TPO: variants seen among roughly 807,000 people sequenced by gnomAD.
TPO encodes the protein thyroid microsomal antigen.
In TPO, 78 loss-of-function variants were observed where a neutral mutation model predicts 96.9. The observed-to-expected ratio is 0.81, with a 90% CI of 0.67 to 0.97. The LOEUF (loss-of-function observed/expected upper bound fraction) is 0.97. Ranked by LOEUF, TPO falls within the 50% of genes least tolerant of loss-of-function variation. The pLI is 0.00. For synonymous variants in TPO, 547 were observed against 538.0 expected (o/e 1.02, Z -0.23); for missense variants, 1,252 against 1,274.8 (o/e 0.98, Z 0.27).
At chr2:1,382,553 G>T (rs1196934494) in intron 1 of TPO, among the ~76,000 whole-genome samples, 1 of 152,078 alleles carries the variant, frequency 6.6e-6, no homozygotes, top group African/African-American at 2.4e-5. Context: ...ACAAAGCATT[G>T]CCTTTGCCAC....
At chr2:1,489,218 C>T (rs1005338756) in intron 10 of TPO, among the ~76,000 whole-genome samples, 7 of 150,730 alleles carry the variant, frequency 4.6e-5, no homozygotes, top group Admixed American at 4.0e-4. Flanking sequence ...ATGCCCAGCA[C>T]ACGCCTGCAC....
chr2:1,475,523 A>T (rs953795302), intron 7 of TPO, among the ~76,000 whole-genome samples: 1 of 151,592 alleles, frequency 6.6e-6, no homozygotes, highest in Non-Finnish European at 1.5e-5. Flanking sequence ...TCCCAGGTTC[A>T]CGCCATTCTC....
chr2:1,509,998 G>C (rs997919722), intron 14 of TPO, among the ~76,000 whole-genome samples: 19 of 151,980 alleles, frequency 1.3e-4, no homozygotes, highest in Non-Finnish European at 2.6e-4. Context: ...ACACCCTCTT[G>C]TTTCAGGTGT....
chr2:1,481,647 G>A (rs770468482), intron 8 of TPO, among the ~76,000 whole-genome samples: 1 of 152,208 alleles, frequency 6.6e-6, no homozygotes, highest in Non-Finnish European at 1.5e-5. Flanking sequence ...TGCTGTAGCT[G>A]AGTACTTTTT....
chr2:1,460,285 A>G (rs893426220), intron 7 of TPO, among the ~76,000 whole-genome samples: 2 of 152,134 alleles, frequency 1.3e-5, no homozygotes, highest in Non-Finnish European at 2.9e-5. Context: ...ATCTGTTAAC[A>G]TTAGAGCTGT....
At chr2:1,512,728 G>T (rs1055623678) in intron 14 of TPO, among the ~76,000 whole-genome samples, 1 of 152,202 alleles carries the variant, frequency 6.6e-6, no homozygotes, top group Non-Finnish European at 1.5e-5. Flanking sequence ...CCAGGCCGCC[G>T]GTGGAGCCTG....
chr2:1,514,592 G>A (rs777327875), intron 14 of TPO, among the ~76,000 whole-genome samples: 6 of 152,130 alleles, frequency 3.9e-5, no homozygotes, highest in African/African-American at 7.2e-5. Context: ...AGGGCTCCCC[G>A]GGGTGGCACT....
intron 12 of TPO, 147 bp from the exon 13 acceptor site, chr2:1,496,448 G>T: frequency 1.7e-6 from 2 of 1,181,812 alleles, no homozygotes; most frequent in Non-Finnish European, 2.4e-6. Context: ...TGTGTGCTGC[G>T]TGGGTGCTCA....
intron 7 of TPO, among the ~76,000 whole-genome samples, chr2:1,471,396 C>T (rs1278617249): frequency 1.3e-5 from 2 of 152,058 alleles, no homozygotes; most frequent in African/African-American, 4.8e-5. Flanking sequence ...TTCACTGTGT[C>T]GTGCTTTTTG....
At chr2:1,419,936 T>G (rs1207800757) in intron 2 of TPO, among the ~76,000 whole-genome samples, 1 of 152,210 alleles carries the variant, frequency 6.6e-6, no homozygotes. Context: ...AAAGGTTTCT[T>G]CTTCCCCTAC....
At chr2:1,492,452 G>A (rs1200647752) in intron 10 of TPO, among the ~76,000 whole-genome samples, 1 of 152,210 alleles carries the variant, frequency 6.6e-6, no homozygotes, top group Non-Finnish European at 1.5e-5. Flanking sequence ...ACCGCACCTG[G>A]CCTCTAGAAG....
In TPO at chr2:1,479,803, A is replaced by G. The variant is rs10191653; in HGVS notation, c.1338+2199A>G. ...TTCTCCTTCTTCTTCTTTTTTTTTGAGACAGTCTCACTCTGTCACCCAGGC... is the reference window on the plus strand; with the variant it reads ...TTCTCCTTCTTCTTCTTTTTTTTTGGGACAGTCTCACTCTGTCACCCAGGC... On this transcript the variant is annotated intron_variant, in intron 8 of 16. Coordinates refer to ENST00000329066, the MANE Select transcript of TPO (RefSeq NM_001206744.2). Among the ~76,000 whole-genome samples, 263 of 145,110 alleles carry G rather than the reference A, an allele frequency of 1.8e-3. 1 individual carries two copies. Among genetic ancestry groups the G allele is most frequent in the Non-Finnish European group, 3.4e-3 (224 of 66,184 alleles).
At chr2:1,444,096 G>A (rs1204198890) in intron 5 of TPO, among the ~76,000 whole-genome samples, 1 of 143,066 alleles carries the variant, frequency 7.0e-6, no homozygotes, top group Non-Finnish European at 1.5e-5. Flanking sequence ...TGTTAGAAGG[G>A]AATGGGGCAG....
chr2:1,446,280 C>A (rs1298714901), intron 5 of TPO, among the ~76,000 whole-genome samples: 1 of 152,194 alleles, frequency 6.6e-6, no homozygotes, highest in Non-Finnish European at 1.5e-5. Context: ...TAGATGGTAA[C>A]CCCTGGGCCT....
At position 1,491,258 on chromosome 2, in the gene TPO, C is replaced by G. The variant is rs551474571; in HGVS notation, c.1769-2544C>G. On this transcript the variant is annotated intron_variant, in intron 10 of 16. Coordinates refer to ENST00000329066, the MANE Select transcript of TPO (RefSeq NM_001206744.2). ...GACATCTAAAGTGATGTTCTTTCTTCCCAGCTCTGCGGCCTCTGAAGCTGT... is the reference window on the plus strand; with the variant it reads ...GACATCTAAAGTGATGTTCTTTCTTGCCAGCTCTGCGGCCTCTGAAGCTGT... 6.6e-5 allele frequency among the ~76,000 whole-genome samples: 10 copies of G among 152,224 alleles called. No homozygotes were observed. In the South Asian group the frequency reaches 2.1e-3, roughly 32 times the overall value.
At chr2:1,402,271 C>T (rs1027113478) in intron 1 of TPO, among the ~76,000 whole-genome samples, 1 of 152,200 alleles carries the variant, frequency 6.6e-6, no homozygotes, top group Admixed American at 6.5e-5. Context: ...CTCCCTGACT[C>T]TGGGGGCAGA....
rs929014692 is a variant in TPO at position 1,477,204 on chromosome 2, C to G, written c.938C>G (p.Pro313Arg). Residue 313 changes from proline to arginine, a missense_variant, in exon 8 of 17, where the codon CCG becomes CGG. Pro to Arg is a moderately radical substitution (Grantham distance 103, BLOSUM62 -2). Coordinates refer to ENST00000329066, the MANE Select transcript of TPO (RefSeq NM_001206744.2). ...ALFGNLSTANPRQQMNGLTSF... is the reference protein window; with the variant it reads ...ALFGNLSTANRRQQMNGLTSF... The stretch of plus-strand genomic sequence containing the variant: ...TTTGGGAACCTGTCCACGGCCAACC[C>G]GCGGCAGCAGATGAACGGGTTGACC... 1.2e-6 allele frequency: 2 copies of G among 1,609,962 alleles called. No individual in the cohort carries two copies. The highest frequency in any genetic ancestry group is 1.7e-6 in the Non-Finnish European group (2 of 1,178,988).
At chr2:1,394,881 C>A (rs568067652) in intron 1 of TPO, among the ~76,000 whole-genome samples, 5 of 152,110 alleles carry the variant, frequency 3.3e-5, no homozygotes, top group Non-Finnish European at 7.4e-5. Context: ...TTTGCAGGAG[C>A]GGAACTCAGG....
chr2:1,421,111 A>G (rs991657201), intron 2 of TPO, among the ~76,000 whole-genome samples: 1 of 152,128 alleles, frequency 6.6e-6, no homozygotes, highest in East Asian at 1.9e-4. Context: ...CACAGGAGGG[A>G]GACCATGGAG....
Sources: allele counts gnomAD v4.1 joint callset (sites outside exome capture counted in the v4.1 genomes callset), GRCh38; gene constraint gnomAD v4.1.1; transcripts MANE v1.5; gene names NCBI Gene and HGNC (gene_info 2026-07-23, HGNC 2026-07-21).